DCBLD2: variants seen among roughly 807,000 people sequenced by gnomAD.
DCBLD2 encodes the protein discoidin, CUB and LCCL domain-containing protein 2.
A neutral mutation model predicts 86.8 loss-of-function variants in DCBLD2; 54 were observed. The ratio of observed to expected loss-of-function variants is 0.62; its 90% confidence interval spans 0.50 to 0.78. The LOEUF (loss-of-function observed/expected upper bound fraction) is 0.78. Among genes scored for constraint, DCBLD2 ranks in the 30% least tolerant of loss-of-function variants. The probability of loss-of-function intolerance (pLI) is 0.00; values close to 1 mark genes in which losing one functional copy is unlikely to be tolerated. For synonymous variants in DCBLD2, 354 were observed against 341.3 expected (o/e 1.04, Z -0.41); for missense variants, 908 against 954.2 (o/e 0.95, Z 0.64).
intron 2 of DCBLD2, among the ~76,000 whole-genome samples, chr3:98,874,352 C>G (rs1943331484): frequency 1.3e-5 from 2 of 152,002 alleles, no homozygotes. Flanking sequence ...AAACATAATC[C>G]AATGCCACAT....
Position 98,901,268 on chromosome 3 carries a change from G to A in DCBLD2, c.59C>T (p.Ala20Val), listed in dbSNP as rs1476348179. ...GGCCCAGGCGGGGGCGGCGGCCGCG[G>A]CCCGGACTTGGGGACACTGCGGGCA... ...RRCPQCPQVR[A>V]AAAAPAWAAL... Residue 20 changes from alanine to valine, a missense_variant, in exon 1 of 16, where the codon GCC becomes GTC. Transcript: ENST00000326840. 7 of 1,530,374 alleles carry A rather than the reference G, an allele frequency of 4.6e-6. No individual in the cohort carries two copies. In the Admixed American group the frequency reaches 1.4e-4, roughly 30 times the overall value. 94.8% of individuals were successfully genotyped at this position (1,530,374 alleles called of 1,614,324 possible). A position where few individuals can be genotyped will look rare whatever the true frequency, so the allele number is the denominator to read the frequency against.
chr3:98,825,450 T>A (rs1942197768), intron 3 of DCBLD2, 84 bp from the exon 4 acceptor site: 1 of 1,065,376 alleles, frequency 9.4e-7, no homozygotes, highest in Non-Finnish European at 1.3e-6. Context: ...AATCCCAAAC[T>A]GTACTACTCT....
chr3:98,896,753 C>T (rs555143600), intron 1 of DCBLD2, among the ~76,000 whole-genome samples: 3 of 152,082 alleles, frequency 2.0e-5, no homozygotes, highest in African/African-American at 4.8e-5. Context: ...TAAAGAAAAC[C>T]GAATCCAGGA....
At chr3:98,892,528 A>C (rs1016741726) in intron 1 of DCBLD2, among the ~76,000 whole-genome samples, 1 of 152,066 alleles carries the variant, frequency 6.6e-6, no homozygotes, top group African/African-American at 2.4e-5. Flanking sequence ...TAGGGAAAAT[A>C]CAGAATTTCT....
rs1484180047 is a variant in DCBLD2, at chr3:98,901,600, GCGGAGCTAAGGAACGTGCCTCCCGCGC to G, written c.-301_-275del. ...CCTCGAGCCGCGGAGGACGGCCGCG[GCGGAGCTAAGGAACGTGCCTCCCGCGC>G]CGCGCTCCTCACCAGGGTCGCCGCT... On this transcript the variant is annotated 5_prime_UTR_variant, in exon 1 of 16. Transcript: ENST00000326840. 7.0e-6 allele frequency: 2 copies of G among 284,028 alleles called. No individual in the cohort carries two copies. Among genetic ancestry groups the G allele is most frequent in the Non-Finnish European group, 1.3e-5 (2 of 154,454 alleles). The allele number at this position is 284,028 out of a possible 1,614,324, so 17.6% of individuals were successfully genotyped here.
intron 2 of DCBLD2, among the ~76,000 whole-genome samples, chr3:98,861,679 G>A (rs1202124073): frequency 6.6e-6 from 1 of 152,074 alleles, no homozygotes; most frequent in African/African-American, 2.4e-5. Context: ...TGAAACCAAC[G>A]AGAACAAAGA....
chr3:98,839,178 T>TCC (rs879782428), intron 3 of DCBLD2, among the ~76,000 whole-genome samples: 40,683 of 83,892 alleles, frequency 0.48, 7,103 homozygotes, highest in East Asian at 0.73. Flanking sequence ...TTTCCTTTCT[T>TCC]TCTTCCTTCC....
intron 1 of DCBLD2, among the ~76,000 whole-genome samples, chr3:98,882,580 G>A (rs1368689498): frequency 1.3e-5 from 2 of 152,070 alleles, no homozygotes; most frequent in African/African-American, 4.8e-5. Context: ...CAGCCTCCCA[G>A]CCTCTGACAG....
At chr3:98,831,907 G>GT (rs1347948546) in intron 3 of DCBLD2, among the ~76,000 whole-genome samples, 1 of 152,178 alleles carries the variant, frequency 6.6e-6, no homozygotes, top group African/African-American at 2.4e-5. Context: ...TCAGAAGAAT[G>GT]TATTTTCTAT....
At chr3:98,838,834 TA>T (rs1209850046) in intron 3 of DCBLD2, among the ~76,000 whole-genome samples, 7 of 152,156 alleles carry the variant, frequency 4.6e-5, no homozygotes, top group African/African-American at 1.7e-4. Context: ...CACTCGCGGT[TA>T]GGGGCTGGAG....
intron 1 of DCBLD2, among the ~76,000 whole-genome samples, chr3:98,894,911 C>T (rs749720763): frequency 6.6e-6 from 1 of 151,782 alleles, no homozygotes; most frequent in Non-Finnish European, 1.5e-5. Flanking sequence ...ACTTAGAATA[C>T]AGTGTGGAAT....
At chr3:98,888,724 T>C (rs1324575743) in intron 1 of DCBLD2, among the ~76,000 whole-genome samples, 2 of 152,030 alleles carry the variant, frequency 1.3e-5, no homozygotes, top group Admixed American at 1.3e-4. Context: ...CACATTATTT[T>C]AGGAAATTTA....
chr3:98,900,689 C>G (rs142387447), intron 1 of DCBLD2: 1 of 191,942 alleles, frequency 5.2e-6, no homozygotes, highest in East Asian at 1.7e-4. Context: ...AACCCGGGCT[C>G]TTTCACAAAG....
At chr3:98,830,201 G>A (rs1395556844) in intron 3 of DCBLD2, among the ~76,000 whole-genome samples, 8 of 152,130 alleles carry the variant, frequency 5.3e-5, no homozygotes, top group African/African-American at 1.9e-4. Flanking sequence ...TGTTTACTCT[G>A]TTGATAGTTT....
intron 2 of DCBLD2, among the ~76,000 whole-genome samples, chr3:98,871,537 A>AT (rs532454350): frequency 2.8e-4 from 42 of 151,282 alleles, no homozygotes; most frequent in Admixed American, 5.9e-4. Flanking sequence ...TACTGAAATG[A>AT]TTTTTTTTTG....
chr3:98,816,571 G>A (rs1284578128), intron 9 of DCBLD2, among the ~76,000 whole-genome samples: 6 of 152,046 alleles, frequency 3.9e-5, no homozygotes, highest in East Asian at 1.9e-4. Flanking sequence ...TTCATGTGAC[G>A]CCAAGTAGAA....
At chr3:98,857,079 T>C (rs1347118236) in intron 2 of DCBLD2, among the ~76,000 whole-genome samples, 2 of 152,178 alleles carry the variant, frequency 1.3e-5, no homozygotes, top group Non-Finnish European at 2.9e-5. Context: ...TCGGATGTGT[T>C]TGGAGTTTCT....
At chr3:98,839,306 G>A (rs2107472620) in intron 3 of DCBLD2, among the ~76,000 whole-genome samples, 1 of 150,998 alleles carries the variant, frequency 6.6e-6, no homozygotes, top group South Asian at 2.1e-4. Context: ...ATGCAGTCGA[G>A]TTGTTTTCTT....
At chr3:98,867,234 T>C (rs1280703845) in intron 2 of DCBLD2, among the ~76,000 whole-genome samples, 1 of 152,238 alleles carries the variant, frequency 6.6e-6, no homozygotes, top group African/African-American at 2.4e-5. Context: ...TTTTTTCCAA[T>C]TCTGTGAAGA....
Sources: allele counts gnomAD v4.1 joint callset (sites outside exome capture counted in the v4.1 genomes callset), GRCh38; gene constraint gnomAD v4.1.1; transcripts MANE v1.5; gene names NCBI Gene and HGNC (gene_info 2026-07-23, HGNC 2026-07-21).